Variants in ERBB4 observed in about 807,000 individuals in gnomAD.
The protein encoded by ERBB4 is receptor tyrosine-protein kinase erbB-4.
A neutral mutation model predicts 158.0 loss-of-function variants in ERBB4; 42 were observed. That is an observed-to-expected ratio of 0.27 (90% CI 0.21 to 0.34). ERBB4 has a LOEUF of 0.34. ERBB4 is among the 10% of genes least tolerant of loss of function. The probability of loss-of-function intolerance (pLI) is 1.00; values close to 1 mark genes in which losing one functional copy is unlikely to be tolerated. For missense variants in ERBB4, 1,333 were observed against 1,624.1 expected (o/e 0.82, Z 3.08); for synonymous variants, 583 against 558.7 (o/e 1.04, Z -0.61).
chr2:212,496,301 A>C (rs1273921686), intron 1 of ERBB4, among the ~76,000 whole-genome samples: 1 of 151,872 alleles, frequency 6.6e-6, no homozygotes, highest in South Asian at 2.1e-4. Context: ...AAACAAAAAA[A>C]CAGACATACA....
At chr2:212,274,933 C>A (rs1046320129) in intron 1 of ERBB4, among the ~76,000 whole-genome samples, 3 of 151,816 alleles carry the variant, frequency 2.0e-5, no homozygotes, top group African/African-American at 7.2e-5. Context: ...GACCCCTACC[C>A]ACCAGCAGGC....
Position 212,538,794 on chromosome 2 carries a change from C to T in ERBB4, c.-264G>A. ...CGGTGTGTGCGCTTGGCGCTCTGGGCCGGACTGTGCAGCTATTTCCCCGCG... is the reference window on the plus strand; with the variant it reads ...CGGTGTGTGCGCTTGGCGCTCTGGGTCGGACTGTGCAGCTATTTCCCCGCG... On this transcript the variant is annotated 5_prime_UTR_variant, in exon 1 of 28. Coordinates refer to ENST00000342788, the MANE Select transcript of ERBB4 (RefSeq NM_005235.3). 1 of 356,516 alleles carries T rather than the reference C, an allele frequency of 2.8e-6. No homozygotes were observed. The highest frequency in any genetic ancestry group is 4.3e-5 in the East Asian group (1 of 23,196). 22.1% of individuals were successfully genotyped at this position (356,516 alleles called of 1,614,324 possible).
intron 19 of ERBB4, among the ~76,000 whole-genome samples, chr2:211,604,061 T>C (rs2068893536): frequency 6.6e-6 from 1 of 152,240 alleles, no homozygotes; most frequent in South Asian, 2.1e-4. Flanking sequence ...TTTTATGTTT[T>C]TTCCTTGACA....
At chr2:212,491,209 A>T (rs1690259706) in intron 1 of ERBB4, among the ~76,000 whole-genome samples, 1 of 151,678 alleles carries the variant, frequency 6.6e-6, no homozygotes, top group African/African-American at 2.4e-5. Context: ...AAATCAGTTT[A>T]CTGCCAAGTA....
rs1360934941 is a variant in ERBB4, at chr2:212,408,336, G to A, written c.82+130113C>T. On this transcript the variant is annotated intron_variant, in intron 1 of 27. Coordinates refer to ENST00000342788, the MANE Select transcript of ERBB4 (RefSeq NM_005235.3). ...AGCTCCCACTTATAAGCGAGAACAT[G>A]CGGTGTTTGGTTTTCTGTTCCTACG... is the stretch of plus-strand genomic sequence containing the variant. Among the ~76,000 whole-genome samples, 5 of 151,984 alleles carry A rather than the reference G, an allele frequency of 3.3e-5. No individual in the cohort carries two copies. In the South Asian group the frequency reaches 1.0e-3, roughly 32 times the overall value.
intron 3 of ERBB4, among the ~76,000 whole-genome samples, chr2:211,913,617 A>ATGTG (rs879271352): frequency 0.072 from 8,437 of 116,920 alleles, 258 homozygotes; most frequent in South Asian, 0.15. Context: ...ATATATATAT[A>ATGTG]TATGTGTGTG....
intron 2 of ERBB4, among the ~76,000 whole-genome samples, chr2:212,082,821 T>A (rs1013953527): frequency 6.6e-5 from 10 of 152,048 alleles, no homozygotes; most frequent in African/African-American, 2.2e-4. Flanking sequence ...TATAAATGCA[T>A]ATTGGAATTA....
chr2:212,493,688 G>C (rs978497384), intron 1 of ERBB4, among the ~76,000 whole-genome samples: 1 of 151,654 alleles, frequency 6.6e-6, no homozygotes, highest in Non-Finnish European at 1.5e-5. Flanking sequence ...AATTCCTTCT[G>C]TCTTGACAGT....
At chr2:212,195,762 A>C (rs1386630754) in intron 1 of ERBB4, among the ~76,000 whole-genome samples, 7 of 152,134 alleles carry the variant, frequency 4.6e-5, no homozygotes, top group Non-Finnish European at 1.0e-4. Flanking sequence ...TATTTCAAAG[A>C]ACTCATTTCA....
chr2:212,153,723 T>C (rs2080944547), intron 1 of ERBB4, among the ~76,000 whole-genome samples: 1 of 152,180 alleles, frequency 6.6e-6, no homozygotes, highest in Non-Finnish European at 1.5e-5. Flanking sequence ...GCTACAACCA[T>C]GTGACACAGA....
chr2:212,018,259 A>G (rs1236184673), intron 2 of ERBB4, among the ~76,000 whole-genome samples: 1 of 152,200 alleles, frequency 6.6e-6, no homozygotes, highest in East Asian at 1.9e-4. Flanking sequence ...CACATCTTCA[A>G]TAATTCTCTC....
rs71424497 is a variant in ERBB4, at chr2:212,469,361, A to G, written c.82+69088T>C. ...AAAACATAGTTTTATAAGATTAGGCACTTAGAACTACTTAGGACAAATTTA... is the reference window on the plus strand; with the variant it reads ...AAAACATAGTTTTATAAGATTAGGCGCTTAGAACTACTTAGGACAAATTTA... On this transcript the variant is annotated intron_variant, in intron 1 of 27. Transcript: ENST00000342788. 4.9e-3 allele frequency among the ~76,000 whole-genome samples: 742 copies of G among 152,278 alleles called. 5 individuals carry two copies. The highest frequency in any genetic ancestry group is 0.024 in the East Asian group (123 of 5,180).
intron 19 of ERBB4, among the ~76,000 whole-genome samples, chr2:211,579,583 T>C (rs2068006020): frequency 6.6e-6 from 1 of 151,882 alleles, no homozygotes; most frequent in Non-Finnish European, 1.5e-5. Context: ...ATAAAGAAAA[T>C]GTGATACATA....
chr2:212,488,779 C>T (rs1460852034), intron 1 of ERBB4, among the ~76,000 whole-genome samples: 1 of 151,640 alleles, frequency 6.6e-6, no homozygotes, highest in Non-Finnish European at 1.5e-5. Context: ...ACACCGATGA[C>T]CTCATGAACA....
intron 2 of ERBB4, among the ~76,000 whole-genome samples, chr2:212,114,966 G>A (rs2079529148): frequency 1.3e-5 from 2 of 152,016 alleles, no homozygotes; most frequent in African/African-American, 4.8e-5. Context: ...CAAGGTGCTG[G>A]GCATCATGAT....
intron 1 of ERBB4, among the ~76,000 whole-genome samples, chr2:212,383,371 A>C (rs948134893): frequency 6.6e-6 from 1 of 151,524 alleles, no homozygotes; most frequent in African/African-American, 2.4e-5. Flanking sequence ...AGAAGTTTCT[A>C]CTTATTCATA....
chr2:212,233,714 T>C (rs983171250), intron 1 of ERBB4, among the ~76,000 whole-genome samples: 4 of 152,212 alleles, frequency 2.6e-5, no homozygotes, highest in African/African-American at 9.6e-5. Flanking sequence ...TTCTATAATA[T>C]GTTGGTTTTA....
rs374852421 is a variant in ERBB4, at chr2:211,673,200, C to G, written c.1680G>C (p.Glu560Asp). Residue 560 changes from glutamate (E) to aspartate (D), a missense_variant, in exon 14 of 28, where the codon GAG becomes GAC. By Grantham distance (45) the Glu-to-Asp change is conservative. Coordinates refer to ENST00000342788, the MANE Select transcript of ERBB4 (RefSeq NM_005235.3). Reference sequence around the variant, plus strand: ...ATGTGAGGAGGCCATCTTCCATCTTCTCACACTGGGGGTCACACTCCACAC... The same window carrying G: ...ATGTGAGGAGGCCATCTTCCATCTTGTCACACTGGGGGTCACACTCCACAC... ...SICVECDPQC[E>D]KMEDGLLTCH... The G allele has an allele frequency of 2.5e-6, 4 of 1,613,734 alleles. No individual in the cohort carries two copies. In the African/African-American group the frequency reaches 5.3e-5, roughly 22 times the overall value.
At chr2:211,544,223 T>C (rs2066884910) in intron 20 of ERBB4, among the ~76,000 whole-genome samples, 1 of 152,086 alleles carries the variant, frequency 6.6e-6, no homozygotes, top group Admixed American at 6.6e-5. Context: ...TAATTTATTA[T>C]ATTGACATAC....
Sources: allele counts gnomAD v4.1 joint callset (sites outside exome capture counted in the v4.1 genomes callset), GRCh38; gene constraint gnomAD v4.1.1; transcripts MANE v1.5; gene names NCBI Gene and HGNC (gene_info 2026-07-23, HGNC 2026-07-21).